Variants in NEK1 observed in about 807,000 individuals in gnomAD.
NEK1 encodes the protein NIMA related kinase 1.
A neutral mutation model predicts 182.1 loss-of-function variants in NEK1; 137 were observed. The observed-to-expected ratio is 0.75, with a 90% CI of 0.65 to 0.87. The LOEUF is 0.87. NEK1 is among the 40% of genes least tolerant of loss of function. The pLI is 0.00. For missense variants in NEK1, 1,391 were observed against 1,494.4 expected (o/e 0.93, Z 1.14); for synonymous variants, 513 against 492.2 (o/e 1.04, Z -0.56).
chr4:169,606,591 T>C (rs1771375671), intron 2 of NEK1, among the ~76,000 whole-genome samples: 1 of 152,108 alleles, frequency 6.6e-6, no homozygotes, highest in Non-Finnish European at 1.5e-5. Flanking sequence ...GACACTTAGT[T>C]TGCCTCCTCC....
chr4:169,404,777 A>T (rs1732289952), intron 32 of NEK1, among the ~76,000 whole-genome samples: 1 of 111,908 alleles, frequency 8.9e-6, no homozygotes, highest in Non-Finnish European at 2.0e-5. Flanking sequence ...TTTTTATGGA[A>T]AAAAATTTTT....
At chr4:169,554,001 T>C (rs557948938) in intron 18 of NEK1, 1 of 152,346 alleles carries the variant, frequency 6.6e-6, no homozygotes, top group African/African-American at 2.4e-5. Flanking sequence ...TCTGTTTAAA[T>C]ACTTAAAAAA....
chr4:169,606,831 A>G (rs1581118280), intron 2 of NEK1, among the ~76,000 whole-genome samples: 1 of 152,202 alleles, frequency 6.6e-6, no homozygotes, highest in Admixed American at 6.5e-5. Flanking sequence ...AAAATATATA[A>G]AGAAACAGCA....
chr4:169,453,380 C>G lies in NEK1; in HGVS notation c.2587+9863G>C, dbSNP rs1379855832. On this transcript the variant is annotated intron_variant, in intron 27 of 35. Transcript: ENST00000507142. ...GACAATCCTAAGCCAAAAGAACAAA[C>G]CTGGAGGCATCATGCTACCTGACTT... Among the ~76,000 whole-genome samples the G allele has an allele frequency of 3.9e-5, 6 of 152,270 alleles. 1 individual carries two copies. Among genetic ancestry groups the G allele is most frequent in the South Asian group, 2.1e-4 (1 of 4,820 alleles).
intron 19 of NEK1, among the ~76,000 whole-genome samples, chr4:169,521,491 A>G (rs1187199464): frequency 6.6e-6 from 1 of 152,068 alleles, no homozygotes; most frequent in East Asian, 1.9e-4. Context: ...TGGGAGCTGT[A>G]GACCGGAGCT....
rs149606680 is a variant in NEK1, at chr4:169,590,706, T to C, written c.396+20A>G. On this transcript the variant is annotated intron_variant, in intron 6 of 35. Transcript: ENST00000507142. The stretch of plus-strand genomic sequence containing the variant: ...CATGTCTTTATCCATTCAGAAGTTA[T>C]CAGTGACAGAATAACATACCTGAGA... 1.3e-6 allele frequency: 2 copies of C among 1,536,160 alleles called. No homozygotes were observed. Among genetic ancestry groups the C allele is most frequent in the East Asian group, 2.3e-5 (1 of 43,222 alleles).
chr4:169,410,002 G>A (rs1199836212), intron 31 of NEK1, among the ~76,000 whole-genome samples: 3 of 151,990 alleles, frequency 2.0e-5, no homozygotes, highest in Admixed American at 1.3e-4. Flanking sequence ...ATAGTAGACT[G>A]GTAAGTTTGA....
intron 26 of NEK1, among the ~76,000 whole-genome samples, chr4:169,475,276 G>A (rs1446526170): frequency 2.6e-5 from 4 of 152,104 alleles, no homozygotes; most frequent in African/African-American, 9.7e-5. Flanking sequence ...AAAGATTACA[G>A]AGAACACAAG....
chr4:169,581,318 AGT>A (rs1766615929), intron 10 of NEK1, among the ~76,000 whole-genome samples: 1 of 151,948 alleles, frequency 6.6e-6, no homozygotes, highest in African/African-American at 2.4e-5. Context: ...CTCAGGCTGG[AGT>A]ACAGTGAGAC....
chr4:169,574,730 G>A (rs1334271580), intron 12 of NEK1, among the ~76,000 whole-genome samples: 1 of 152,084 alleles, frequency 6.6e-6, no homozygotes. Flanking sequence ...GGCAGGATCA[G>A]GCAGCAGGGA....
rs182202061 is a variant in NEK1, at chr4:169,546,577, G to T, written c.1563-8666C>A. 1.0e-3 allele frequency among the ~76,000 whole-genome samples: 152 copies of T among 152,262 alleles called. 1 individual carries two copies. Among genetic ancestry groups the T allele is most frequent in the African/African-American group, 3.4e-3 (143 of 41,544 alleles). Reference sequence around the variant, plus strand: ...TCATTGATCTAATATTGACAGTGGGGTGTTAAAGTCTCCCACTACTGTGTG... The same window carrying T: ...TCATTGATCTAATATTGACAGTGGGTTGTTAAAGTCTCCCACTACTGTGTG... On this transcript the variant is annotated intron_variant, in intron 18 of 35. Transcript: ENST00000507142.
intron 23 of NEK1, among the ~76,000 whole-genome samples, chr4:169,493,299 C>T (rs1260618256): frequency 2.0e-5 from 3 of 152,102 alleles, no homozygotes; most frequent in African/African-American, 7.2e-5. Context: ...TAAGTCCCAT[C>T]CAAATAAACA....
chr4:169,426,583 G>A (rs746434161), intron 29 of NEK1, among the ~76,000 whole-genome samples: 32 of 152,166 alleles, frequency 2.1e-4, no homozygotes, highest in Non-Finnish European at 3.8e-4. Flanking sequence ...GGGGGATAAC[G>A]CCCAGCAATT....
intron 29 of NEK1, among the ~76,000 whole-genome samples, chr4:169,433,272 C>A (rs1473985967): frequency 1.3e-5 from 2 of 152,038 alleles, no homozygotes; most frequent in Non-Finnish European, 2.9e-5. Flanking sequence ...GTTGGCCAGG[C>A]TGGTCTTGAA....
intron 4 of NEK1, among the ~76,000 whole-genome samples, chr4:169,599,504 T>C (rs377724496): frequency 6.6e-6 from 1 of 152,232 alleles, no homozygotes; most frequent in African/African-American, 2.4e-5. Context: ...TTTCATTCAA[T>C]AAATACAATT....
chr4:169,450,784 C>T (rs1395036058), intron 27 of NEK1, among the ~76,000 whole-genome samples: 1 of 152,164 alleles, frequency 6.6e-6, no homozygotes, highest in African/African-American at 2.4e-5. Context: ...ATCATAATGA[C>T]AGGATCAAAT....
chr4:169,467,811 C>T (rs1477161377), intron 26 of NEK1, among the ~76,000 whole-genome samples: 1 of 151,996 alleles, frequency 6.6e-6, no homozygotes, highest in Non-Finnish European at 1.5e-5. Context: ...GTTTATTAGA[C>T]TGCAATCCCA....
intron 27 of NEK1, among the ~76,000 whole-genome samples, chr4:169,445,272 A>G (rs1270622955): frequency 6.6e-6 from 1 of 152,098 alleles, no homozygotes; most frequent in Admixed American, 6.5e-5. Context: ...AAAAACAAAA[A>G]CAAAAAATAG....
At chr4:169,400,084 A>C (rs1731393769) in intron 35 of NEK1, 141 bp downstream of exon 35, 6 of 845,298 alleles carry the variant, frequency 7.1e-6, no homozygotes, top group Non-Finnish European at 1.2e-5. Flanking sequence ...TGACAAAGTT[A>C]ATTTTATTAT....
Sources: gnomAD v4.1 joint callset for allele counts (sites outside exome capture counted in the v4.1 genomes callset) on GRCh38, gnomAD v4.1.1 for gene constraint, MANE v1.5 for transcripts, NCBI Gene and HGNC (gene_info 2026-07-23, HGNC 2026-07-21) for gene names.